SCN7A: variants seen among roughly 807,000 people sequenced by gnomAD.
SCN7A encodes the protein sodium channel protein type 7 subunit alpha.
In SCN7A, 138 loss-of-function variants were observed where a neutral mutation model predicts 155.2. That is an observed-to-expected ratio of 0.89 (90% CI 0.77 to 1.02). The LOEUF (loss-of-function observed/expected upper bound fraction) is 1.02, where lower values mean the gene tolerates loss of function less well. SCN7A is among the 50% of genes least tolerant of loss of function. The pLI is 0.00. For missense variants in SCN7A, 2,058 were observed against 1,986.6 expected (o/e 1.04, Z -0.68); for synonymous variants, 693 against 649.0 (o/e 1.07, Z -1.03).
intron 1 of SCN7A, among the ~76,000 whole-genome samples, chr2:166,487,960 A>G (rs1488778080): frequency 6.6e-6 from 1 of 152,332 alleles, no homozygotes; most frequent in Admixed American, 6.5e-5. Flanking sequence ...TAACATGTCT[A>G]TTGCACCAAT....
intron 12 of SCN7A, among the ~76,000 whole-genome samples, chr2:166,445,364 A>G: frequency 7.3e-6 from 1 of 137,216 alleles, no homozygotes. Flanking sequence ...GAAGGAAGGA[A>G]GGAAGGAAGA....
In SCN7A at chr2:166,445,007, T is replaced by C. The variant is rs985331081; in HGVS notation, c.1388-7A>G. 2.6e-6 allele frequency: 4 copies of C among 1,561,736 alleles called. No homozygotes were observed. The African/African-American group carries it at 4.1e-5, about 16-fold the overall frequency. On this transcript the variant is annotated splice_region_variant and splice_polypyrimidine_tract_variant and intron_variant, in intron 12 of 25. Coordinates refer to ENST00000643258, the MANE Select transcript of SCN7A (RefSeq NM_002976.4). ...TTCTTGGATTTTTCAAGTTCTGAAA[T>C]GAAAGAATACAAAAGTTAAACATTC...
intron 15 of SCN7A, among the ~76,000 whole-genome samples, chr2:166,435,404 T>C (rs1320791324): frequency 3.3e-5 from 4 of 122,898 alleles, no homozygotes; most frequent in Non-Finnish European, 1.7e-5. Flanking sequence ...TAAAAACATA[T>C]ATTTATTATT....
At chr2:166,424,246 T>C (rs1340810144) in intron 18 of SCN7A, among the ~76,000 whole-genome samples, 1 of 152,160 alleles carries the variant, frequency 6.6e-6, no homozygotes, top group Non-Finnish European at 1.5e-5. Context: ...AAAAATTTTA[T>C]TTTGTTACAT....
intron 15 of SCN7A, among the ~76,000 whole-genome samples, chr2:166,434,201 C>A (rs1701791626): frequency 6.6e-6 from 1 of 152,002 alleles, no homozygotes; most frequent in African/African-American, 2.4e-5. Context: ...GTGTTTAATC[C>A]TAATGGGTTA....
At position 166,472,340 on chromosome 2, in the gene SCN7A, G is replaced by A. The variant is rs376920778; in HGVS notation, c.549C>T (p.Leu183=). 36 of 1,607,410 alleles carry A rather than the reference G, an allele frequency of 2.2e-5. 1 individual carries two copies. The African/African-American group carries it at 3.3e-4, about 15-fold the overall frequency. Residue 183 remains leucine (L), a synonymous_variant, in exon 6 of 26, where the codon CTC becomes CTT. Transcript: ENST00000643258. ...ACTCAAACACAGTTACGCTGAAATC[G>A]AGCCAGTTCCATGGATCACCGAGGA... ...FSFLGDPWNW[L]DFSVTVFEVI... is the part of the protein sequence containing the mutation.
chr2:166,473,709 T>G (rs1702709976), intron 5 of SCN7A, 90 bp downstream of exon 5: 1 of 300,022 alleles, frequency 3.3e-6, no homozygotes, highest in African/African-American at 2.3e-5. Flanking sequence ...ATATAATGTA[T>G]CATAATTCAA....
chr2:166,454,063 G>T (rs1702229288), intron 11 of SCN7A, among the ~76,000 whole-genome samples: 1 of 152,058 alleles, frequency 6.6e-6, no homozygotes, highest in African/African-American at 2.4e-5. Context: ...TGGTAAAATT[G>T]GGAAATATCC....
intron 5 of SCN7A, among the ~76,000 whole-genome samples, chr2:166,473,387 C>A (rs1301396768): frequency 6.6e-6 from 1 of 151,562 alleles, no homozygotes; most frequent in African/African-American, 2.4e-5. Flanking sequence ...TTGTTACAGT[C>A]ACCTTCCAAA....
At chr2:166,461,048 CTTTTTTTTTTTTTTTTT>C (rs34717897) in intron 10 of SCN7A, among the ~76,000 whole-genome samples, 1 of 96,704 alleles carries the variant, frequency 1.0e-5, no homozygotes, top group Non-Finnish European at 2.0e-5. Flanking sequence ...GTAATATTTT[CTTTTTTTTTTTTTTTTT>C]TTTTTTTTAC....
rs1701019546 is a variant in SCN7A, at chr2:166,404,327, AAACTAATGTTTAG to A, written c.*1240_*1252del. 1 of 151,958 alleles carries A rather than the reference AAACTAATGTTTAG, an allele frequency of 6.6e-6. No individual in the cohort carries two copies. Among genetic ancestry groups the A allele is most frequent in the South Asian group, 2.1e-4 (1 of 4,828 alleles). 9.4% of individuals were successfully genotyped at this position (151,958 alleles called of 1,614,324 possible). On this transcript the variant is annotated 3_prime_UTR_variant, in exon 26 of 26. Coordinates refer to ENST00000643258, the MANE Select transcript of SCN7A (RefSeq NM_002976.4). Reference sequence around the variant, plus strand: ...CTTTAAAAAACAATTTCAATAGTGAAAACTAATGTTTAGGATTTTACAGTTCTTTGAATATAAA... The same window carrying A: ...CTTTAAAAAACAATTTCAATAGTGAAGATTTTACAGTTCTTTGAATATAAA...
intron 12 of SCN7A, among the ~76,000 whole-genome samples, chr2:166,447,381 T>C (rs1017647958): frequency 3.9e-5 from 6 of 152,186 alleles, no homozygotes; most frequent in Non-Finnish European, 7.4e-5. Context: ...TGTCAATATG[T>C]TTTTAATGTT....
intron 21 of SCN7A, among the ~76,000 whole-genome samples, chr2:166,414,283 TATACAC>T (rs1559088815): frequency 1.0e-4 from 3 of 29,890 alleles, no homozygotes; most frequent in Admixed American, 4.5e-4. Context: ...TATATATATA[TATACAC>T]ACACATATAT....
chr2:166,479,687 A>G (rs1472748012), intron 2 of SCN7A, among the ~76,000 whole-genome samples: 2 of 152,174 alleles, frequency 1.3e-5, no homozygotes, highest in African/African-American at 2.4e-5. Context: ...ATGTCTCAAA[A>G]AAAAGGTAAA....
At chr2:166,442,147 G>T (rs942483201) in intron 14 of SCN7A, among the ~76,000 whole-genome samples, 4 of 152,150 alleles carry the variant, frequency 2.6e-5, no homozygotes, top group African/African-American at 9.7e-5. Flanking sequence ...TCAGGATCCA[G>T]TGGATTCTGA....
intron 8 of SCN7A, 122 bp from the exon 9 acceptor site, chr2:166,465,653 T>C (rs1200023958): frequency 8.0e-7 from 1 of 1,255,068 alleles, no homozygotes; most frequent in Non-Finnish European, 1.1e-6. Context: ...AAAGAGCAAA[T>C]ATCCTTGCCT....
intron 1 of SCN7A, among the ~76,000 whole-genome samples, chr2:166,489,076 TA>T (rs1683015824): frequency 6.6e-6 from 1 of 152,136 alleles, no homozygotes; most frequent in South Asian, 2.1e-4. Flanking sequence ...AGAGTAGAAA[TA>T]AAATGTCTAC....
chr2:166,484,173 C>A (rs1702993410), intron 2 of SCN7A, among the ~76,000 whole-genome samples: 1 of 151,846 alleles, frequency 6.6e-6, no homozygotes, highest in Non-Finnish European at 1.5e-5. Flanking sequence ...GCTTGTATGA[C>A]TGACTGTCAT....
At chr2:166,462,574 A>G (rs200146148) in intron 9 of SCN7A, 44 bp from the exon 10 acceptor site, 196 of 1,584,862 alleles carry the variant, frequency 1.2e-4, no homozygotes, top group Non-Finnish European at 1.6e-4. Context: ...TTAGGTGACT[A>G]TCAGATTATG....
Sources: gnomAD v4.1 joint callset for allele counts (sites outside exome capture counted in the v4.1 genomes callset) on GRCh38, gnomAD v4.1.1 for gene constraint, MANE v1.5 for transcripts, NCBI Gene and HGNC (gene_info 2026-07-23, HGNC 2026-07-21) for gene names.